The following SLCO4C1 variants were observed in gnomAD, a reference collection of about 807,000 sequenced individuals.
SLCO4C1 encodes solute carrier organic anion transporter family member 4C1.
In SLCO4C1, 58 loss-of-function variants were observed where a neutral mutation model predicts 72.1. The ratio of observed to expected loss-of-function variants is 0.80; its 90% CI spans 0.65 to 1.00. The LOEUF (loss-of-function observed/expected upper bound fraction) is 1.00. Ranked by LOEUF, SLCO4C1 falls within the 50% of genes least tolerant of loss-of-function variation. SLCO4C1 has a pLI of 0.00. For missense variants in SLCO4C1, 898 were observed against 857.9 expected (o/e 1.05, Z -0.58); for synonymous variants, 297 against 312.5 (o/e 0.95, Z 0.52).
chr5:102,289,651 A>G (rs1580269630), intron 2 of SLCO4C1, among the ~76,000 whole-genome samples: 1 of 152,350 alleles, frequency 6.6e-6, no homozygotes, highest in Middle Eastern at 3.4e-3. Context: ...ACGCTGCAAT[A>G]TGTGGCTTGT....
intron 6 of SLCO4C1, among the ~76,000 whole-genome samples, chr5:102,259,297 A>G (rs1748894724): frequency 6.6e-6 from 1 of 152,124 alleles, no homozygotes; most frequent in African/African-American, 2.4e-5. Context: ...AAGGACAAAA[A>G]AAAGTAATGG....
At chr5:102,271,225 T>C (rs560922111) in intron 2 of SLCO4C1, among the ~76,000 whole-genome samples, 23 of 152,150 alleles carry the variant, frequency 1.5e-4, no homozygotes, top group African/African-American at 5.5e-4. Context: ...CTTAAAGCTA[T>C]ATTTAAATTT....
intron 1 of SLCO4C1, among the ~76,000 whole-genome samples, chr5:102,293,955 C>A (rs1412515244): frequency 6.6e-6 from 1 of 152,076 alleles, no homozygotes; most frequent in African/African-American, 2.4e-5. Flanking sequence ...GTTGCCTAGG[C>A]CGGAGTGCAA....
In SLCO4C1 at chr5:102,296,027, G is replaced by A. The variant is rs766101499; in HGVS notation, c.236C>T (p.Ser79Leu). ...AGACCCCTCCTCAAACTCGGACAGC[G>A]ACAGTGACCGGAGCTTCTCTTCGGA... ...NVSEEKLRSL[S>L]LSEFEEGSYG... Residue 79 changes from serine (S) to leucine (L), a missense_variant, in exon 1 of 13, where the codon TCG (serine) becomes TTG (leucine). Coordinates refer to ENST00000310954, the MANE Select transcript of SLCO4C1 (RefSeq NM_180991.5). 5 of 1,614,238 alleles carry A rather than the reference G, an allele frequency of 3.1e-6. No homozygotes were observed. Among genetic ancestry groups the A allele is most frequent in the Middle Eastern group, 1.6e-4 (1 of 6,062 alleles).
rs545368214 is a variant in SLCO4C1, at chr5:102,292,519, C to G, written c.356-913G>C. Among the ~76,000 whole-genome samples, 11 of 152,304 alleles carry G rather than the reference C, an allele frequency of 7.2e-5. No individual in the cohort carries two copies. In the South Asian group the frequency reaches 2.3e-3, roughly 32 times the overall value. ...TCTTAGGAAGAAGAAATTGAGCTCT[C>G]AAACCCCTATATTTTTCTAACATTC... On this transcript the variant is annotated intron_variant, in intron 1 of 12. Coordinates refer to ENST00000310954, the MANE Select transcript of SLCO4C1 (RefSeq NM_180991.5).
intron 2 of SLCO4C1, among the ~76,000 whole-genome samples, chr5:102,274,791 T>C (rs1359674104): frequency 6.6e-6 from 1 of 152,130 alleles, no homozygotes; most frequent in Non-Finnish European, 1.5e-5. Context: ...GTACTTTTCT[T>C]TCCTCAGCCT....
At position 102,250,990 on chromosome 5, in the gene SLCO4C1, A is replaced by T. The variant is rs191180835; in HGVS notation, c.1470-1202T>A. Among the ~76,000 whole-genome samples the T allele has an allele frequency of 2.7e-4, 41 of 152,182 alleles. 1 individual carries two copies. Among genetic ancestry groups the T allele is most frequent in the African/African-American group, 9.9e-4 (41 of 41,524 alleles). On this transcript the variant is annotated intron_variant, in intron 8 of 12. Transcript: ENST00000310954. ...CAACAGAGTGAGACTCCATACAAAA[A>T]AAATCGTAAAAAATATATAAAGAAT... is the stretch of plus-strand genomic sequence containing the variant.
chr5:102,257,031 C>G lies in SLCO4C1; in HGVS notation c.1469+84G>C. 8 of 1,174,120 alleles carry G rather than the reference C, an allele frequency of 6.8e-6. No homozygotes were observed. The South Asian group carries it at 2.4e-4, about 35-fold the overall frequency. 72.7% of individuals were successfully genotyped at this position (1,174,120 alleles called of 1,614,324 possible). The stretch of plus-strand genomic sequence containing the variant: ...TTCCAAATTTTTAAAAAGCCAATTT[C>G]TCACCATTTAAGAAAACATATGCTT... On this transcript the variant is annotated intron_variant, in intron 8 of 12. Coordinates refer to ENST00000310954, the MANE Select transcript of SLCO4C1 (RefSeq NM_180991.5).
chr5:102,251,146 G>C (rs73778236), intron 8 of SLCO4C1, among the ~76,000 whole-genome samples: 3,837 of 152,256 alleles, frequency 0.025, 162 homozygotes, highest in African/African-American at 0.088. Flanking sequence ...AGAGTGATGG[G>C]AAATGTAGCT....
intron 9 of SLCO4C1, 82 bp downstream of exon 9, chr5:102,249,556 C>T (rs1748697618): frequency 7.0e-7 from 1 of 1,426,058 alleles, no homozygotes; most frequent in Non-Finnish European, 9.7e-7. Flanking sequence ...CAAGAATAGG[C>T]ATTGCATAAC....
chr5:102,275,821 T>C (rs1340966007), intron 2 of SLCO4C1, among the ~76,000 whole-genome samples: 1 of 152,212 alleles, frequency 6.6e-6, no homozygotes, highest in Admixed American at 6.5e-5. Flanking sequence ...AGTTAGTTTT[T>C]TCTTCATTAA....
intron 2 of SLCO4C1, among the ~76,000 whole-genome samples, chr5:102,289,414 T>G (rs778672302): frequency 2.6e-5 from 4 of 152,206 alleles, no homozygotes; most frequent in Non-Finnish European, 5.9e-5. Context: ...GTATTTACGT[T>G]TCAGTTTAGA....
rs1179535545 is a variant in SLCO4C1 at position 102,295,894 on chromosome 5, G to T, written c.355+14C>A. 1 of 1,604,736 alleles carries T rather than the reference G, an allele frequency of 6.2e-7. No homozygotes were observed. The highest frequency in any genetic ancestry group is 1.3e-5 in the African/African-American group (1 of 74,924). ...CTCCACTGGCCCGAGCCTCAAGCGG[G>T]CGCTGGACTTTACCTTGCGTGACGG... On this transcript the variant is annotated intron_variant, in intron 1 of 12. Coordinates refer to ENST00000310954, the MANE Select transcript of SLCO4C1 (RefSeq NM_180991.5).
At chr5:102,261,396 A>G (rs1748940671) in intron 5 of SLCO4C1, among the ~76,000 whole-genome samples, 1 of 152,072 alleles carries the variant, frequency 6.6e-6, no homozygotes, top group Non-Finnish European at 1.5e-5. Context: ...TGGGCAACAG[A>G]GGGAGACTCT....
At chr5:102,294,528 A>T (rs1459687224) in intron 1 of SLCO4C1, among the ~76,000 whole-genome samples, 1 of 152,228 alleles carries the variant, frequency 6.6e-6, no homozygotes, top group Non-Finnish European at 1.5e-5. Flanking sequence ...TTTCAGAGGA[A>T]TTTTAAGATA....
rs1381822649 is a variant in SLCO4C1, at chr5:102,296,205, G to A, written c.58C>T (p.Leu20=). Residue 20 remains leucine (L), a synonymous_variant, in exon 1 of 13, where the codon CTG becomes TTG. Coordinates refer to ENST00000310954, the MANE Select transcript of SLCO4C1 (RefSeq NM_180991.5). ...LAFVPSSPDI[L]RRLSASPSQI... ...GAGGGCGACGCAGACAAGCGGCGCAGGATGTCTGGGCTGGAGGGGACAAAA... is the reference window on the plus strand; with the variant it reads ...GAGGGCGACGCAGACAAGCGGCGCAAGATGTCTGGGCTGGAGGGGACAAAA... 1.2e-6 allele frequency: 2 copies of A among 1,601,794 alleles called. No individual in the cohort carries two copies. The highest frequency in any genetic ancestry group is 1.7e-6 in the Non-Finnish European group (2 of 1,173,326).
intron 2 of SLCO4C1, 123 bp downstream of exon 2, chr5:102,291,220 G>GT: frequency 1.0e-6 from 1 of 971,736 alleles, no homozygotes; most frequent in Non-Finnish European, 1.5e-6. Flanking sequence ...GAACAAACCA[G>GT]TGAGGTGTGG....
At chr5:102,260,363 A>G (rs1366557391) in intron 5 of SLCO4C1, 44 bp from the exon 6 acceptor site, 2 of 223,996 alleles carry the variant, frequency 8.9e-6, no homozygotes, top group Non-Finnish European at 1.4e-5. Flanking sequence ...TATATTATAC[A>G]TATAATATAT....
intron 9 of SLCO4C1, among the ~76,000 whole-genome samples, chr5:102,247,727 A>C (rs1259042080): frequency 1.3e-5 from 2 of 152,092 alleles, no homozygotes; most frequent in Non-Finnish European, 2.9e-5. Flanking sequence ...TATAAGTTAC[A>C]TGACCTTGCA....
Sources: allele counts gnomAD v4.1 joint callset (sites outside exome capture counted in the v4.1 genomes callset), GRCh38; gene constraint gnomAD v4.1.1; transcripts MANE v1.5; gene names NCBI Gene and HGNC (gene_info 2026-07-23, HGNC 2026-07-21).